Variants in TNKS observed in about 807,000 individuals in gnomAD.
TNKS encodes the protein poly [ADP-ribose] polymerase tankyrase-1.
Under a neutral mutation model 135.8 loss-of-function variants are expected in TNKS, and 72 were observed. The observed-to-expected ratio is 0.53, with a 90% CI of 0.44 to 0.64. The LOEUF (loss-of-function observed/expected upper bound fraction) is 0.64. TNKS is among the 30% of genes least tolerant of loss of function. The probability of loss-of-function intolerance (pLI) is 0.00; values close to 1 mark genes in which losing one functional copy is unlikely to be tolerated. For synonymous variants in TNKS, 849 were observed against 649.3 expected, an observed-to-expected ratio of 1.31 and a Z score of -4.68; for missense variants, 1,769 against 1,674.0, an observed-to-expected ratio of 1.06 and a Z score of -0.99.
chr8:9,589,625 A>G (rs998426883), intron 2 of TNKS, among the ~76,000 whole-genome samples: 3 of 152,236 alleles, frequency 2.0e-5, no homozygotes, highest in African/African-American at 7.2e-5. Context: ...CTTTAGTCTC[A>G]GAGACGTTTC....
At chr8:9,750,137 G>T (rs1806444138) in intron 18 of TNKS, among the ~76,000 whole-genome samples, 1 of 152,110 alleles carries the variant, frequency 6.6e-6, no homozygotes, top group Admixed American at 6.6e-5. Flanking sequence ...AATTCACAAG[G>T]TACCACCTTA....
chr8:9,607,589 A>G (rs372924908), intron 2 of TNKS, among the ~76,000 whole-genome samples: 8 of 152,146 alleles, frequency 5.3e-5, no homozygotes, highest in Non-Finnish European at 7.4e-5. Context: ...CTATGTACCT[A>G]TGTATGATTT....
At chr8:9,775,181 T>A (rs1808150917) in intron 26 of TNKS, among the ~76,000 whole-genome samples, 1 of 152,106 alleles carries the variant, frequency 6.6e-6, no homozygotes, top group Non-Finnish European at 1.5e-5. Context: ...AACTCTAGAA[T>A]TAGCAGTAGG....
chr8:9,720,454 G>A lies in TNKS; in HGVS notation c.1830G>A (p.Leu610=). 1.9e-6 allele frequency: 3 copies of A among 1,614,140 alleles called. No homozygotes were observed. Among genetic ancestry groups the A allele is most frequent in the Non-Finnish European group, 2.5e-6 (3 of 1,180,024 alleles). Residue 610 remains leucine (L), a synonymous_variant, in exon 12 of 27, where the codon CTG becomes CTA. Transcript: ENST00000310430. ...LAGHLQTCRL[L]LSYGSDPSII... is the part of the protein sequence containing the mutation. ...GTCACCTGCAGACCTGCCGCCTCCT[G>A]CTGAGTTACGGCTCTGACCCCTCCA...
chr8:9,753,375 T>C (rs1806654467), intron 20 of TNKS, among the ~76,000 whole-genome samples: 1 of 152,216 alleles, frequency 6.6e-6, no homozygotes, highest in Admixed American at 6.5e-5. Flanking sequence ...AAGTTTCTGT[T>C]GTCCACTTGG....
At chr8:9,659,177 A>C (rs1355529235) in intron 3 of TNKS, among the ~76,000 whole-genome samples, 1 of 152,190 alleles carries the variant, frequency 6.6e-6, no homozygotes, top group South Asian at 2.1e-4. Context: ...ACAGATCAAG[A>C]AGACAGAAAG....
chr8:9,705,563 C>T (rs915184583), intron 6 of TNKS, among the ~76,000 whole-genome samples: 1 of 152,166 alleles, frequency 6.6e-6, no homozygotes, highest in Admixed American at 6.5e-5. Flanking sequence ...TCTTCCATTT[C>T]CAATCTGCTT....
intron 11 of TNKS, among the ~76,000 whole-genome samples, chr8:9,716,060 G>A (rs1804585849): frequency 6.6e-6 from 1 of 152,126 alleles, no homozygotes; most frequent in Non-Finnish European, 1.5e-5. Context: ...TTGTCATTAT[G>A]TGCATCTGTT....
At chr8:9,602,055 G>A (rs10086535) in intron 2 of TNKS, among the ~76,000 whole-genome samples, 15,166 of 151,968 alleles carry the variant, frequency 0.1, 855 homozygotes, top group South Asian at 0.18. Context: ...TATATCTGGG[G>A]ACATGTTTGG....
intron 1 of TNKS, chr8:9,558,245 T>G (rs1005664790): frequency 2.0e-5 from 3 of 152,198 alleles, no homozygotes; most frequent in Non-Finnish European, 2.9e-5. Flanking sequence ...ACCAGTGGTA[T>G]GAGAAACACT....
chr8:9,633,310 C>T (rs948149845), intron 3 of TNKS, among the ~76,000 whole-genome samples: 3 of 152,034 alleles, frequency 2.0e-5, no homozygotes, highest in Admixed American at 2.0e-4. Flanking sequence ...AATATTGGAG[C>T]CTGCCTAAGT....
chr8:9,629,972 G>A (rs993168758), intron 3 of TNKS, among the ~76,000 whole-genome samples: 24 of 152,112 alleles, frequency 1.6e-4, no homozygotes, highest in Non-Finnish European at 4.4e-5. Flanking sequence ...ATGAGCCACC[G>A]TGTCCGGCCA....
intron 5 of TNKS, among the ~76,000 whole-genome samples, chr8:9,686,838 CAT>C (rs1803025880): frequency 1.3e-5 from 2 of 148,394 alleles, no homozygotes; most frequent in South Asian, 4.3e-4. Flanking sequence ...CAAATTTTAT[CAT>C]ATCTCTGAGT....
intron 3 of TNKS, among the ~76,000 whole-genome samples, chr8:9,638,363 C>G (rs1800594752): frequency 1.3e-5 from 2 of 152,254 alleles, no homozygotes; most frequent in Admixed American, 1.3e-4. Context: ...ATACCTTGGG[C>G]CAAATGTTAT....
chr8:9,771,028 A>G (rs1585449378), intron 26 of TNKS, among the ~76,000 whole-genome samples: 1 of 152,292 alleles, frequency 6.6e-6, no homozygotes, highest in Middle Eastern at 3.4e-3. Flanking sequence ...AAGTATTACT[A>G]TGATCTCATG....
intron 5 of TNKS, among the ~76,000 whole-genome samples, chr8:9,692,378 A>G (rs1412532924): frequency 6.6e-6 from 1 of 152,220 alleles, no homozygotes; most frequent in Non-Finnish European, 1.5e-5. Context: ...GTGTCATTTT[A>G]ACCAGAAGAC....
At chr8:9,582,095 C>G (rs1175735367) in intron 2 of TNKS, among the ~76,000 whole-genome samples, 3 of 152,144 alleles carry the variant, frequency 2.0e-5, no homozygotes, top group Non-Finnish European at 4.4e-5. Flanking sequence ...AAGTATGTAT[C>G]ATAGTTATTA....
Position 9,556,364 on chromosome 8 carries a change from C to G in TNKS, c.425C>G (p.Ser142Cys), listed in dbSNP as rs903539194. 1.9e-6 allele frequency: 3 copies of G among 1,614,132 alleles called. No homozygotes were observed. The highest frequency in any genetic ancestry group is 2.5e-6 in the Non-Finnish European group (3 of 1,180,052). Reference sequence around the variant, plus strand: ...TCCCCGACTTCTTCCTCATCTTCCTCTCCATCCTCCCCTGGATCGAGCTTG... The same window carrying G: ...TCCCCGACTTCTTCCTCATCTTCCTGTCCATCCTCCCCTGGATCGAGCTTG... Reference protein sequence around the residue: ...SSSPTSSSSSSPSSPGSSLAE... With the variant: ...SSSPTSSSSSCPSSPGSSLAE... Residue 142 changes from serine (S) to cysteine (C), a missense_variant, in exon 1 of 27, where the codon TCT becomes TGT. This residue lies in a region of TNKS where 450 missense variants were observed against 304.9 expected (regional missense o/e 1.48). Coordinates refer to ENST00000310430, the MANE Select transcript of TNKS (RefSeq NM_003747.3).
intron 3 of TNKS, among the ~76,000 whole-genome samples, chr8:9,633,018 C>T (rs1273579390): frequency 1.3e-5 from 2 of 152,174 alleles, no homozygotes; most frequent in African/African-American, 4.8e-5. Context: ...CATGAGCCAC[C>T]GCACCCGGCC....
Sources: gnomAD v4.1 joint callset for allele counts (sites outside exome capture counted in the v4.1 genomes callset) on GRCh38, gnomAD v4.1.1 for gene constraint, gnomAD v4.1.1 regional missense constraint, MANE v1.5 for transcripts, NCBI Gene and HGNC (gene_info 2026-07-23, HGNC 2026-07-21) for gene names.